FGF10: variants seen among roughly 807,000 people sequenced by gnomAD.
FGF10 encodes fibroblast growth factor 10, also known as FGF-10.
FGF10 carries 2 observed loss-of-function variants against 19.8 expected under a neutral mutation model. The observed-to-expected ratio is 0.10, with a 90% CI of 0.04 to 0.32. FGF10 has a LOEUF of 0.32. Ranked by LOEUF, FGF10 falls within the 10% of genes least tolerant of loss-of-function variation. FGF10 has a pLI of 1.00. For synonymous variants in FGF10, 112 were observed against 94.0 expected, an observed-to-expected ratio of 1.19 and a Z score of -1.10; for missense variants, 191 against 246.3, an observed-to-expected ratio of 0.78 and a Z score of 1.50.
At chr5:44,383,722 A>T (rs532835946) in intron 1 of FGF10, among the ~76,000 whole-genome samples, 1 of 152,220 alleles carries the variant, frequency 6.6e-6, no homozygotes, top group Admixed American at 6.5e-5. Flanking sequence ...GTAAACATTA[A>T]ATACAGTGTC....
chr5:44,338,062 C>T (rs764561584), intron 1 of FGF10, among the ~76,000 whole-genome samples: 1 of 151,974 alleles, frequency 6.6e-6, no homozygotes, highest in African/African-American at 2.4e-5. Context: ...ATTATGTTTC[C>T]ACCAACAATC....
intron 1 of FGF10, among the ~76,000 whole-genome samples, chr5:44,383,136 T>C (rs895159743): frequency 6.6e-6 from 1 of 152,112 alleles, no homozygotes; most frequent in African/African-American, 2.4e-5. Flanking sequence ...CCATTTCAAA[T>C]GAGCTGTCAA....
intron 1 of FGF10, among the ~76,000 whole-genome samples, chr5:44,351,756 G>T (rs1225849193): frequency 1.3e-5 from 2 of 151,504 alleles, no homozygotes; most frequent in Admixed American, 6.6e-5. Context: ...ATTCTTGCAG[G>T]ATAAATTTGG....
At chr5:44,310,399 G>C in intron 2 of FGF10, 28 bp downstream of exon 2, 1 of 1,477,326 alleles carries the variant, frequency 6.8e-7, no homozygotes, top group Non-Finnish European at 9.5e-7. Context: ...TACTGGAGTG[G>C]ATTTGAAAAC....
Position 44,380,778 on chromosome 5 carries a change from T to G in FGF10, c.325+7580A>C, listed in dbSNP as rs570679052. Among the ~76,000 whole-genome samples, 154 of 152,258 alleles carry G rather than the reference T, an allele frequency of 1.0e-3. 1 individual carries two copies. The highest frequency in any genetic ancestry group is 3.5e-3 in the African/African-American group (147 of 41,540). On this transcript the variant is annotated intron_variant, in intron 1 of 2. Transcript: ENST00000264664. ...GGAGGATTGCTTGAGCCCAGGAATT[T>G]GAGACAAGCCTGGGCAACATAGTGA...
rs893479138 is a variant in FGF10, at chr5:44,303,373, C to CT, written c.*1621dup. 1.2e-4 allele frequency among the ~76,000 whole-genome samples: 18 copies of CT among 151,188 alleles called. No individual in the cohort carries two copies. The East Asian group carries it at 1.5e-3, about 13-fold the overall frequency. On this transcript the variant is annotated 3_prime_UTR_variant, in exon 3 of 3. Coordinates refer to ENST00000264664, the MANE Select transcript of FGF10 (RefSeq NM_004465.2). Reference sequence around the variant, plus strand: ...CTTTAGTAAGACACATTTAGTGAGTCTTTTTTTTTGTACCAAAATACTGTG... The same window carrying CT: ...CTTTAGTAAGACACATTTAGTGAGTCTTTTTTTTTTGTACCAAAATACTGTG...
chr5:44,372,220 C>T (rs569019506), intron 1 of FGF10, among the ~76,000 whole-genome samples: 38 of 152,126 alleles, frequency 2.5e-4, no homozygotes, highest in Non-Finnish European at 5.0e-4. Context: ...GCTTCTGGTG[C>T]CACATTCCTT....
At chr5:44,322,098 T>C (rs1561200820) in intron 1 of FGF10, among the ~76,000 whole-genome samples, 1 of 152,122 alleles carries the variant, frequency 6.6e-6, no homozygotes, top group Non-Finnish European at 1.5e-5. Context: ...AGATGGCTTT[T>C]TAAAGGTAGA....
rs1026656614 is a variant in FGF10, at chr5:44,376,896, G to C, written c.325+11462C>G. On this transcript the variant is annotated intron_variant, in intron 1 of 2. Transcript: ENST00000264664. ...CAAAAAGTAAAAATGAAAAAAAAAA[G>C]TAAAGGGCAAGTTTAAATAAAAATC... Among the ~76,000 whole-genome samples the C allele has an allele frequency of 6.7e-5, 10 of 150,130 alleles. No individual in the cohort carries two copies. In the East Asian group the frequency reaches 9.8e-4, roughly 15 times the overall value.
At chr5:44,326,943 A>G (rs1018992888) in intron 1 of FGF10, among the ~76,000 whole-genome samples, 1 of 152,118 alleles carries the variant, frequency 6.6e-6, no homozygotes, top group African/African-American at 2.4e-5. Flanking sequence ...CACTACAGGA[A>G]AAGGGAAGCT....
At chr5:44,334,448 T>C (rs1740802015) in intron 1 of FGF10, among the ~76,000 whole-genome samples, 1 of 152,162 alleles carries the variant, frequency 6.6e-6, no homozygotes. Flanking sequence ...AGCCACCTTC[T>C]TATCCCAACT....
At chr5:44,341,675 T>C (rs1435253677) in intron 1 of FGF10, among the ~76,000 whole-genome samples, 3 of 151,954 alleles carry the variant, frequency 2.0e-5, no homozygotes, top group Non-Finnish European at 4.4e-5. Context: ...TAGGGAACTG[T>C]TATGGTTGCT....
intron 1 of FGF10, among the ~76,000 whole-genome samples, chr5:44,365,231 G>T (rs1396451460): frequency 6.6e-6 from 1 of 151,398 alleles, no homozygotes; most frequent in African/African-American, 2.4e-5. Context: ...GGCTTTGGTA[G>T]GTTGTCTTGT....
chr5:44,312,218 G>A (rs77866033), intron 1 of FGF10, among the ~76,000 whole-genome samples: 9 of 134,042 alleles, frequency 6.7e-5, no homozygotes, highest in Non-Finnish European at 1.5e-4. Context: ...ACACACACAC[G>A]CACATTTATT....
chr5:44,371,519 G>A (rs921468261), intron 1 of FGF10, among the ~76,000 whole-genome samples: 2 of 152,028 alleles, frequency 1.3e-5, no homozygotes, highest in African/African-American at 4.8e-5. Context: ...GGTTCCCATT[G>A]GTTTAGCGCC....
intron 1 of FGF10, among the ~76,000 whole-genome samples, chr5:44,361,342 T>C (rs1263843017): frequency 6.6e-6 from 1 of 151,708 alleles, no homozygotes; most frequent in Non-Finnish European, 1.5e-5. Context: ...GAGCTTTCTA[T>C]TTTAATGCTG....
At chr5:44,383,345 G>A (rs1233295493) in intron 1 of FGF10, among the ~76,000 whole-genome samples, 1 of 152,096 alleles carries the variant, frequency 6.6e-6, no homozygotes, top group Non-Finnish European at 1.5e-5. Context: ...AAGAAACTAT[G>A]AAGACAGTGG....
intron 1 of FGF10, among the ~76,000 whole-genome samples, chr5:44,369,180 A>G (rs1341384106): frequency 6.6e-6 from 1 of 152,042 alleles, no homozygotes; most frequent in East Asian, 1.9e-4. Flanking sequence ...GTCCCAGTTC[A>G]CTCGTCTGAG....
chr5:44,335,068 C>T (rs895322030), intron 1 of FGF10, among the ~76,000 whole-genome samples: 2 of 152,032 alleles, frequency 1.3e-5, no homozygotes, highest in African/African-American at 4.8e-5. Context: ...TTAACTTCAT[C>T]ATGAAAGAGT....
Sources: allele counts gnomAD v4.1 joint callset (sites outside exome capture counted in the v4.1 genomes callset), GRCh38; gene constraint gnomAD v4.1.1; transcripts MANE v1.5; gene names NCBI Gene and HGNC (gene_info 2026-07-23, HGNC 2026-07-21).